METTL15: variants seen among roughly 807,000 people sequenced by gnomAD.
The protein encoded by METTL15 is methyltransferase 15, mitochondrial 12S rRNA N4-cytidine.
METTL15 carries 34 observed loss-of-function variants against 38.3 expected under a neutral mutation model. The ratio of observed to expected loss-of-function variants is 0.89; its 90% CI spans 0.68 to 1.18. The LOEUF is 1.18. Ranked by LOEUF, METTL15 falls within the 50% of genes most tolerant of loss-of-function variation. METTL15 has a pLI of 0.00. For synonymous variants in METTL15, 162 were observed against 170.9 expected, an observed-to-expected ratio of 0.95 and a Z score of 0.41; for missense variants, 438 against 498.4, an observed-to-expected ratio of 0.88 and a Z score of 1.15.
chr11:28,258,523 T>C (rs1417168922), intron 4 of METTL15, among the ~76,000 whole-genome samples: 1 of 152,072 alleles, frequency 6.6e-6, no homozygotes, highest in Non-Finnish European at 1.5e-5. Flanking sequence ...GGGACTATAG[T>C]CAAAAATCTT....
At chr11:28,379,358 CCT>C (rs1464959130) in intron 5 of METTL15, among the ~76,000 whole-genome samples, 1 of 151,630 alleles carries the variant, frequency 6.6e-6, no homozygotes, top group African/African-American at 2.4e-5. Context: ...TATAAATGTC[CCT>C]CTTAGTACAT....
rs1458732094 is a variant in METTL15, at chr11:28,182,986, T to C, written c.271-28076T>C. Among the ~76,000 whole-genome samples, 3 of 152,136 alleles carry C rather than the reference T, an allele frequency of 2.0e-5. No individual in the cohort carries two copies. The East Asian group carries it at 5.8e-4, about 29-fold the overall frequency. On this transcript the variant is annotated intron_variant, in intron 3 of 6. Coordinates refer to ENST00000407364, the MANE Select transcript of METTL15 (RefSeq NM_001113528.2). ...GAGGTGCTTCACTTCCCTTCTAAGT[T>C]GTATTCCTAGGTATTTTATTCTCTT...
At chr11:28,380,724 A>C (rs2133384490) in intron 5 of METTL15, among the ~76,000 whole-genome samples, 1 of 152,338 alleles carries the variant, frequency 6.6e-6, no homozygotes, top group East Asian at 1.9e-4. Context: ...AAAAGATGAC[A>C]ACATATCTTA....
intron 3 of METTL15, among the ~76,000 whole-genome samples, chr11:28,115,458 A>T (rs1186212868): frequency 6.6e-6 from 1 of 151,910 alleles, no homozygotes; most frequent in Admixed American, 6.6e-5. Context: ...GGGTTTCTCC[A>T]TGTTGGTCAG....
intron 6 of METTL15, among the ~76,000 whole-genome samples, chr11:28,489,979 A>G (rs370850339): frequency 5.8e-4 from 88 of 152,196 alleles, no homozygotes; most frequent in African/African-American, 2.1e-3. Flanking sequence ...CCATCACTGC[A>G]TGGTCTCCCT....
intron 3 of METTL15, among the ~76,000 whole-genome samples, chr11:28,342,321 A>C (rs1849959898): frequency 6.6e-6 from 1 of 152,038 alleles, no homozygotes; most frequent in Admixed American, 6.5e-5. Flanking sequence ...TGGAGTGCAC[A>C]GATGTGATCA....
intron 5 of METTL15, among the ~76,000 whole-genome samples, chr11:28,384,637 A>T (rs1850422193): frequency 6.6e-6 from 1 of 151,944 alleles, no homozygotes; most frequent in Admixed American, 6.6e-5. Context: ...AGAATGATTT[A>T]CATTCCTTTG....
At chr11:28,532,087 A>G in the METTL15 span, among the ~76,000 whole-genome samples, 1 of 152,092 alleles carries the variant, frequency 6.6e-6, no homozygotes, top group Non-Finnish European at 1.5e-5. Flanking sequence ...ACCTACCACC[A>G]TCATCAGCAT....
chr11:28,272,591 A>G (rs925501759), intron 4 of METTL15, among the ~76,000 whole-genome samples: 1 of 152,172 alleles, frequency 6.6e-6, no homozygotes, highest in Non-Finnish European at 1.5e-5. Context: ...CAGGACAGGG[A>G]TAGCATCAGG....
chr11:28,314,362 G>A (rs900953306), intron 6 of METTL15, among the ~76,000 whole-genome samples: 9 of 152,208 alleles, frequency 5.9e-5, no homozygotes, highest in African/African-American at 2.2e-4. Flanking sequence ...TTATGAGTAT[G>A]TGCTGATCTC....
chr11:28,262,445 G>T lies in METTL15; in HGVS notation c.408-27761G>T, dbSNP rs1449790571. 2.0e-5 allele frequency among the ~76,000 whole-genome samples: 3 copies of T among 151,492 alleles called. No homozygotes were observed. The East Asian group carries it at 5.8e-4, about 29-fold the overall frequency. On this transcript the variant is annotated intron_variant, in intron 4 of 6. Coordinates refer to ENST00000407364, the MANE Select transcript of METTL15 (RefSeq NM_001113528.2). ...ACAGATATGTACTTTCATAGTCATA[G>T]TTACTACATAGTCTTATATATATGT...
rs1857074970 is a variant in METTL15 at position 28,306,129 on chromosome 11, GA to G, written c.778+9199del. Among the ~76,000 whole-genome samples, 4 of 152,012 alleles carry G rather than the reference GA, an allele frequency of 2.6e-5. No individual in the cohort carries two copies. In the South Asian group the frequency reaches 8.3e-4, roughly 32 times the overall value. ...TAATTTAGTGTAACCACGTACTCTAGATCTTCCTGATTCTGGATGAATTTTA... is the reference window on the plus strand; with the variant it reads ...TAATTTAGTGTAACCACGTACTCTAGTCTTCCTGATTCTGGATGAATTTTA... On this transcript the variant is annotated intron_variant, in intron 6 of 6. Transcript: ENST00000407364.
chr11:28,168,452 G>A (rs1850733380), intron 3 of METTL15, among the ~76,000 whole-genome samples: 1 of 150,818 alleles, frequency 6.6e-6, no homozygotes, highest in East Asian at 1.9e-4. Flanking sequence ...CAAACAATCA[G>A]TAGTTTAAAT....
rs12808987 is a variant in METTL15 at position 28,498,063 on chromosome 11, A to T, written c.*425-28415A>T. Among the ~76,000 whole-genome samples, 1,066 of 152,014 alleles carry T rather than the reference A, an allele frequency of 7.0e-3. 9 individuals are homozygous for T. Among genetic ancestry groups the T allele is most frequent in the African/African-American group, 0.023 (966 of 41,454 alleles). ...AGAGAGACTGTTTCAAAAAAAAAAA[A>T]AAGGAGGGGTGGATGCAAAGTCATT... On this transcript the variant is annotated intron_variant and NMD_transcript_variant, in intron 6 of 7. Coordinates refer to the METTL15 transcript ENST00000532947.
chr11:28,267,768 A>G (rs1434612074), intron 4 of METTL15, among the ~76,000 whole-genome samples: 2 of 152,226 alleles, frequency 1.3e-5, no homozygotes, highest in Non-Finnish European at 2.9e-5. Context: ...TGGAACTGAG[A>G]TTTACACATA....
At chr11:28,222,468 A>G (rs957546253) in intron 4 of METTL15, among the ~76,000 whole-genome samples, 1 of 152,220 alleles carries the variant, frequency 6.6e-6, no homozygotes, top group Non-Finnish European at 1.5e-5. Flanking sequence ...TTCATTGGCT[A>G]GGAAAGGGAA....
At chr11:28,271,884 C>A (rs1044963532) in intron 4 of METTL15, among the ~76,000 whole-genome samples, 1 of 151,952 alleles carries the variant, frequency 6.6e-6, no homozygotes, top group African/African-American at 2.4e-5. Flanking sequence ...AAAAAAACAA[C>A]ACCGTCAAAA....
At chr11:28,497,033 C>T (rs554538360) in intron 6 of METTL15, among the ~76,000 whole-genome samples, 1 of 152,306 alleles carries the variant, frequency 6.6e-6, no homozygotes, top group East Asian at 1.9e-4. Flanking sequence ...CTGAAGACTC[C>T]ATCTCTGCCC....
At chr11:28,236,181 T>G (rs957337695) in intron 4 of METTL15, among the ~76,000 whole-genome samples, 2 of 152,088 alleles carry the variant, frequency 1.3e-5, no homozygotes, top group Non-Finnish European at 2.9e-5. Context: ...TGGATAAGCT[T>G]TTTGATGTGC....
Sources: gnomAD v4.1 joint callset for allele counts (sites outside exome capture counted in the v4.1 genomes callset) on GRCh38, gnomAD v4.1.1 for gene constraint, MANE v1.5 for transcripts, NCBI Gene and HGNC (gene_info 2026-07-23, HGNC 2026-07-21) for gene names.